CDCA7L: variants seen among roughly 807,000 people sequenced by gnomAD.
The protein encoded by CDCA7L is cell division cycle associated 7 like.
A neutral mutation model predicts 57.4 loss-of-function variants in CDCA7L; 44 were observed. The ratio of observed to expected loss-of-function variants is 0.77; its 90% CI spans 0.60 to 0.98. The LOEUF is 0.98. Ranked by LOEUF, CDCA7L falls within the 50% of genes least tolerant of loss-of-function variation. The pLI is 0.00. For synonymous variants in CDCA7L, 236 were observed against 202.8 expected (o/e 1.16, Z -1.39); for missense variants, 644 against 580.6 (o/e 1.11, Z -1.12).
intron 1 of CDCA7L, among the ~76,000 whole-genome samples, chr7:21,934,301 T>A (rs556628066): frequency 6.6e-6 from 1 of 152,312 alleles, no homozygotes; most frequent in Non-Finnish European, 1.5e-5. Flanking sequence ...AAGAGCTATA[T>A]AGGAGTAGAA....
chr7:21,903,198 C>T (rs999021790), intron 8 of CDCA7L, 84 bp from the exon 9 acceptor site: 8 of 1,337,098 alleles, frequency 6.0e-6, no homozygotes, highest in Non-Finnish European at 8.2e-6. Flanking sequence ...AATGGCTCAG[C>T]TGGCCTCTCC....
intron 1 of CDCA7L, among the ~76,000 whole-genome samples, chr7:21,936,117 CCTAG>C (rs1331604863): frequency 6.6e-6 from 1 of 151,902 alleles, no homozygotes; most frequent in Non-Finnish European, 1.5e-5. Flanking sequence ...AAACAAACAA[CCTAG>C]CTAGATTAAA....
intron 1 of CDCA7L, among the ~76,000 whole-genome samples, chr7:21,923,052 C>G (rs1362334720): frequency 6.6e-6 from 1 of 152,180 alleles, no homozygotes; most frequent in African/African-American, 2.4e-5. Context: ...GATACAGATT[C>G]AGCTTTCCAA....
intron 3 of CDCA7L, among the ~76,000 whole-genome samples, chr7:21,909,525 A>G (rs1562623543): frequency 6.6e-6 from 1 of 152,156 alleles, no homozygotes; most frequent in East Asian, 1.9e-4. Context: ...AGACACAGGG[A>G]GAAAAAAAAC....
In CDCA7L at chr7:21,901,286, G is replaced by A. The variant is rs1415059117; in HGVS notation, c.*1036C>T. The A allele has an allele frequency of 6.4e-7, 1 of 1,566,392 alleles. No individual in the cohort carries two copies. The highest frequency in any genetic ancestry group is 1.9e-5 in the Admixed American group (1 of 53,114). On this transcript the variant is annotated 3_prime_UTR_variant, in exon 10 of 10. Transcript: ENST00000406877. Reference sequence around the variant, plus strand: ...ACTGGCATTCCTCTAGCCTCTGCTGGAGTGCAGTGAGGATTTTCTAGCATG... The same window carrying A: ...ACTGGCATTCCTCTAGCCTCTGCTGAAGTGCAGTGAGGATTTTCTAGCATG...
chr7:21,902,712 C>CATTTCTGTCATACACCTCA (rs2128055599), intron 9 of CDCA7L: 1 of 488,792 alleles, frequency 2.0e-6, no homozygotes, highest in Non-Finnish European at 3.6e-6. Flanking sequence ...TTGTTCCTTC[C>CATTTCTGTCATACACCTCA]ATTTCTGTCA....
chr7:21,909,431 G>C (rs1193871389), intron 3 of CDCA7L, among the ~76,000 whole-genome samples: 1 of 152,000 alleles, frequency 6.6e-6, no homozygotes, highest in Admixed American at 6.6e-5. Flanking sequence ...CACCGATACG[G>C]ACCCAGGATC....
intron 6 of CDCA7L, among the ~76,000 whole-genome samples, chr7:21,905,954 G>C (rs529214754): frequency 6.6e-6 from 1 of 152,176 alleles, no homozygotes; most frequent in Non-Finnish European, 1.5e-5. Flanking sequence ...CGCTTGAAAC[G>C]CCTCATGCCT....
At chr7:21,919,025 C>T (rs1003268590) in intron 1 of CDCA7L, among the ~76,000 whole-genome samples, 9 of 151,716 alleles carry the variant, frequency 5.9e-5, no homozygotes, top group Admixed American at 2.6e-4. Flanking sequence ...TCTATGTTAC[C>T]CAGGCTGGTC....
intron 3 of CDCA7L, among the ~76,000 whole-genome samples, chr7:21,909,789 G>A (rs1319034068): frequency 6.6e-6 from 1 of 152,140 alleles, no homozygotes; most frequent in Non-Finnish European, 1.5e-5. Context: ...CACTACAGAG[G>A]CCTGAAGGAA....
At chr7:21,921,165 A>C (rs1391670590) in intron 1 of CDCA7L, among the ~76,000 whole-genome samples, 2 of 152,132 alleles carry the variant, frequency 1.3e-5, no homozygotes, top group Admixed American at 6.6e-5. Context: ...CTCCTTCTGC[A>C]TCTTTGACTT....
At chr7:21,906,222 C>T (rs4445125) in intron 6 of CDCA7L, 67 bp downstream of exon 6, 668,416 of 1,451,468 alleles carry the variant, frequency 0.46, 158,233 homozygotes, top group Non-Finnish European at 0.49. Context: ...GTGACAGTGA[C>T]GTGCGTTCAC....
chr7:21,943,829 AGTTT>A (rs1354595028), intron 1 of CDCA7L, among the ~76,000 whole-genome samples: 10 of 152,328 alleles, frequency 6.6e-5, no homozygotes, highest in African/African-American at 2.4e-4. Context: ...CATGATAAAT[AGTTT>A]ATTTAACATT....
intron 9 of CDCA7L, 58 bp from the exon 10 acceptor site, chr7:21,902,410 A>G: frequency 2.0e-6 from 3 of 1,498,782 alleles, no homozygotes; most frequent in Non-Finnish European, 2.8e-6. Flanking sequence ...ATGGCATTCT[A>G]GGCTTGAGAG....
At chr7:21,937,518 G>C (rs1282188237) in intron 1 of CDCA7L, among the ~76,000 whole-genome samples, 1 of 151,886 alleles carries the variant, frequency 6.6e-6, no homozygotes, top group East Asian at 1.9e-4. Flanking sequence ...TGTGCCTGTA[G>C]TCCCGGCTAC....
At position 21,945,836 on chromosome 7, in the gene CDCA7L, C is replaced by A. The variant is rs986004584; in HGVS notation, c.-32G>T. On this transcript the variant is annotated 5_prime_UTR_variant, in exon 1 of 10. Coordinates refer to ENST00000406877, the MANE Select transcript of CDCA7L (RefSeq NM_018719.5). The stretch of plus-strand genomic sequence containing the variant: ...TAACCGGGCTCCAGTCTCCTCCCAG[C>A]ACGCGGCCACGGGAGCCCGGACTCA... The A allele has an allele frequency of 4.4e-6, 7 of 1,592,498 alleles. No individual in the cohort carries two copies. The highest frequency in any genetic ancestry group is 6.0e-6 in the Non-Finnish European group (7 of 1,171,416).
chr7:21,938,524 A>G (rs916677406), intron 1 of CDCA7L, among the ~76,000 whole-genome samples: 3 of 152,230 alleles, frequency 2.0e-5, no homozygotes, highest in African/African-American at 7.2e-5. Context: ...GTATTATCAT[A>G]TAACCCAGCA....
At chr7:21,909,185 A>G (rs1345525293) in intron 3 of CDCA7L, among the ~76,000 whole-genome samples, 6 of 152,244 alleles carry the variant, frequency 3.9e-5, no homozygotes, top group Admixed American at 3.3e-4. Context: ...GGTCTCCAGC[A>G]TTCAAACATT....
chr7:21,901,348 T>C lies in CDCA7L; in HGVS notation c.*974A>G. ...TTCCCATGCACATTATTCTAACTTT[T>C]TAGTAACTCACACGTGCATTCTTTT... On this transcript the variant is annotated 3_prime_UTR_variant, in exon 10 of 10. Transcript: ENST00000406877. 7.0e-7 allele frequency: 1 copy of C among 1,421,140 alleles called. No homozygotes were observed. Among genetic ancestry groups the C allele is most frequent in the Non-Finnish European group, 9.2e-7 (1 of 1,081,612 alleles). 88.0% of individuals were successfully genotyped at this position (1,421,140 alleles called of 1,614,324 possible).
Sources: gnomAD v4.1 joint callset for allele counts (sites outside exome capture counted in the v4.1 genomes callset) on GRCh38, gnomAD v4.1.1 for gene constraint, MANE v1.5 for transcripts, NCBI Gene and HGNC (gene_info 2026-07-23, HGNC 2026-07-21) for gene names.